Variants in IQCJ observed in about 807,000 individuals in gnomAD.
The protein encoded by IQCJ is IQ domain-containing protein J.
Under a neutral mutation model 11.0 loss-of-function variants are expected in IQCJ, and 9 were observed. The observed-to-expected ratio is 0.82, with a 90% CI of 0.49 to 1.43. The LOEUF is 1.43. Ranked by LOEUF, IQCJ falls within the 40% of genes most tolerant of loss-of-function variation. The probability of loss-of-function intolerance (pLI) is 0.00; values close to 1 mark genes in which losing one functional copy is unlikely to be tolerated. For missense variants in IQCJ, 146 were observed against 133.2 expected (o/e 1.10, Z -0.47); for synonymous variants, 55 against 51.3 (o/e 1.07, Z -0.31).
At chr3:159,170,403 T>C (rs1722424247) in intron 1 of IQCJ, among the ~76,000 whole-genome samples, 1 of 152,128 alleles carries the variant, frequency 6.6e-6, no homozygotes, top group South Asian at 2.1e-4. Context: ...GAATAACAAT[T>C]TATGTAAATA....
intron 1 of IQCJ, among the ~76,000 whole-genome samples, chr3:159,228,007 T>G (rs773466053): frequency 1.3e-5 from 2 of 152,216 alleles, no homozygotes; most frequent in Non-Finnish European, 2.9e-5. Flanking sequence ...ACTGCAGGGT[T>G]AGCACCACAA....
chr3:159,126,207 C>T lies in IQCJ; in HGVS notation c.9+56766C>T, dbSNP rs561208031. ...TGAAATGGATGGGTGAGCATCTTGC[C>T]TCTGCCAGTCCTGGGCATGTGACCC... On this transcript the variant is annotated intron_variant, in intron 1 of 3. Transcript: ENST00000397832. 2.6e-5 allele frequency among the ~76,000 whole-genome samples: 4 copies of T among 152,284 alleles called. No homozygotes were observed. In the East Asian group the frequency reaches 7.7e-4, roughly 29 times the overall value.
intron 1 of IQCJ, among the ~76,000 whole-genome samples, chr3:159,107,533 G>A (rs1718340112): frequency 6.6e-6 from 1 of 152,164 alleles, no homozygotes. Flanking sequence ...TTTATTTTCT[G>A]AGAAGTGACA....
intron 1 of IQCJ, among the ~76,000 whole-genome samples, chr3:159,165,043 G>C (rs1028286351): frequency 6.6e-6 from 1 of 151,572 alleles, no homozygotes; most frequent in Non-Finnish European, 1.5e-5. Flanking sequence ...TTAGGCACAT[G>C]ATTACATACA....
At chr3:159,157,638 G>A (rs994065617) in intron 1 of IQCJ, among the ~76,000 whole-genome samples, 2 of 152,120 alleles carry the variant, frequency 1.3e-5, no homozygotes, top group East Asian at 1.9e-4. Context: ...AATGTGTGAA[G>A]GTAAAAGTGA....
At chr3:159,127,646 A>C (rs1203828890) in intron 1 of IQCJ, among the ~76,000 whole-genome samples, 1 of 152,240 alleles carries the variant, frequency 6.6e-6, no homozygotes, top group Non-Finnish European at 1.5e-5. Flanking sequence ...CACAGAAAGC[A>C]TAGTGCATTT....
intron 1 of IQCJ, among the ~76,000 whole-genome samples, chr3:159,200,167 G>A (rs887024904): frequency 1.5e-4 from 21 of 142,368 alleles, no homozygotes; most frequent in Admixed American, 4.2e-4. Context: ...ATAAGTATAA[G>A]CTGGCACTAC....
chr3:159,174,224 C>T (rs1354853074), intron 1 of IQCJ, among the ~76,000 whole-genome samples: 2 of 152,026 alleles, frequency 1.3e-5, no homozygotes, highest in Admixed American at 6.6e-5. Context: ...TTATGGTTGC[C>T]ATCTTCCAGA....
intron 1 of IQCJ, among the ~76,000 whole-genome samples, chr3:159,184,132 A>T (rs1167413361): frequency 1.3e-5 from 2 of 151,654 alleles, no homozygotes; most frequent in African/African-American, 4.9e-5. Context: ...TGTGTGATTC[A>T]CCCCCGCTCA....
At chr3:159,119,341 T>C (rs1017320435) in intron 1 of IQCJ, among the ~76,000 whole-genome samples, 9 of 152,212 alleles carry the variant, frequency 5.9e-5, no homozygotes, top group African/African-American at 2.2e-4. Context: ...CATTGCCATC[T>C]TCAGTCTTAT....
chr3:159,153,550 C>T (rs1187929687), intron 1 of IQCJ, among the ~76,000 whole-genome samples: 1 of 152,158 alleles, frequency 6.6e-6, no homozygotes, highest in African/African-American at 2.4e-5. Flanking sequence ...ACGGCAATGA[C>T]CAATGTTCCT....
intron 1 of IQCJ, among the ~76,000 whole-genome samples, chr3:159,232,843 G>A (rs1726344520): frequency 6.6e-6 from 1 of 152,076 alleles, no homozygotes; most frequent in African/African-American, 2.4e-5. Flanking sequence ...CTATTGTTGT[G>A]TGGGAAAGAA....
intron 1 of IQCJ, among the ~76,000 whole-genome samples, chr3:159,167,510 A>T (rs2108231232): frequency 6.6e-6 from 1 of 152,346 alleles, no homozygotes; most frequent in African/African-American, 2.4e-5. Flanking sequence ...TCATTGGGTC[A>T]TCTTAGCTTA....
chr3:159,248,995 T>C (rs1389134250), intron 2 of IQCJ, among the ~76,000 whole-genome samples: 2 of 151,998 alleles, frequency 1.3e-5, no homozygotes, highest in Admixed American at 1.3e-4. Context: ...TTGCTGGGAT[T>C]ATAGGTGCCT....
chr3:159,125,796 T>A (rs1237820601), intron 1 of IQCJ, among the ~76,000 whole-genome samples: 1 of 152,190 alleles, frequency 6.6e-6, no homozygotes, highest in Non-Finnish European at 1.5e-5. Flanking sequence ...AATCCAAATA[T>A]GGAACTGATT....
At chr3:159,112,606 A>G (rs1472057722) in intron 1 of IQCJ, among the ~76,000 whole-genome samples, 1 of 152,238 alleles carries the variant, frequency 6.6e-6, no homozygotes, top group Non-Finnish European at 1.5e-5. Context: ...TCCTGAGGCC[A>G]TTAGTTCTCT....
intron 1 of IQCJ, among the ~76,000 whole-genome samples, chr3:159,177,607 C>A (rs996721589): frequency 1.3e-5 from 2 of 152,166 alleles, no homozygotes; most frequent in Non-Finnish European, 2.9e-5. Context: ...TGGAGGGAAG[C>A]ATTGACTATG....
chr3:159,259,882 T>C (rs1329463988), intron 3 of IQCJ, among the ~76,000 whole-genome samples: 2 of 152,152 alleles, frequency 1.3e-5, no homozygotes, highest in Non-Finnish European at 2.9e-5. Context: ...AATATATATA[T>C]CATAGTATGT....
At chr3:159,113,050 A>G (rs1392706401) in intron 1 of IQCJ, among the ~76,000 whole-genome samples, 1 of 152,176 alleles carries the variant, frequency 6.6e-6, no homozygotes, top group Admixed American at 6.5e-5. Flanking sequence ...GAAAAGGGGA[A>G]TGTAATCTTA....
Sources: allele counts gnomAD v4.1 joint callset (sites outside exome capture counted in the v4.1 genomes callset), GRCh38; gene constraint gnomAD v4.1.1; transcripts MANE v1.5; gene names NCBI Gene and HGNC (gene_info 2026-07-23, HGNC 2026-07-21).